The following MYO9A variants were observed in gnomAD, a reference collection of about 807,000 sequenced individuals.
The protein encoded by MYO9A is unconventional myosin-IXa.
Under a neutral mutation model 293.3 loss-of-function variants are expected in MYO9A, and 103 were observed. That is an observed-to-expected ratio of 0.35 (90% CI 0.30 to 0.41). MYO9A has a LOEUF of 0.41. MYO9A is among the 10% of genes least tolerant of loss of function. MYO9A has a pLI of 1.00. For synonymous variants in MYO9A, 1,001 were observed against 1,035.7 expected (o/e 0.97, Z 0.64); for missense variants, 2,685 against 3,033.0 (o/e 0.89, Z 2.69).
rs750292528 is a variant in MYO9A at position 72,007,962 on chromosome 15, T to TA, written c.1254-11dup. 4 of 1,605,460 alleles carry TA rather than the reference T, an allele frequency of 2.5e-6. No homozygotes were observed. In the African/African-American group the frequency reaches 5.4e-5, roughly 22 times the overall value. ...GAGAAGAGAGAAAATCCTGGGAAAA[T>TA]AAAACACAAATTATAGCTTAGTTGT... On this transcript the variant is annotated splice_polypyrimidine_tract_variant and intron_variant, in intron 7 of 41. Transcript: ENST00000356056.
chr15:71,899,064 A>T, intron 24 of MYO9A, 32 bp from the exon 25 acceptor site: 1 of 1,492,300 alleles, frequency 6.7e-7, no homozygotes, highest in Non-Finnish European at 9.0e-7. Flanking sequence ...GGGTTATAGA[A>T]ATATCTTAGT....
intron 10 of MYO9A, among the ~76,000 whole-genome samples, chr15:71,992,819 T>A (rs2076578727): frequency 6.6e-6 from 1 of 151,484 alleles, no homozygotes; most frequent in East Asian, 1.9e-4. Context: ...TATAAAAATA[T>A]AAGAATAAAT....
At chr15:71,910,168 G>GTGTGTATATATATATATATATATA in intron 19 of MYO9A, among the ~76,000 whole-genome samples, 1 of 128,316 alleles carries the variant, frequency 7.8e-6, no homozygotes, top group East Asian at 2.3e-4. Flanking sequence ...ATATATACGT[G>GTGTGTATATATATATATATATATA]TATATATATA....
Position 71,879,730 on chromosome 15 carries a change from A to G in MYO9A, c.5730T>C (p.Ser1910=). ...ACATAGTCCAACTCACCGCCAATGC[A>G]GATGAATAAAAGCTGAAGATATTCT... The part of the protein sequence containing the change: ...FRQNIFSFYS[S]ALAMDDGKSI... The change falls in exon 30 of 42, where the codon TCT becomes TCC. Residue 1910 remains serine, a synonymous_variant. Transcript: ENST00000356056. 1 of 1,609,358 alleles carries G rather than the reference A, an allele frequency of 6.2e-7. No homozygotes were observed. Among genetic ancestry groups the G allele is most frequent in the Non-Finnish European group, 8.5e-7 (1 of 1,175,888 alleles).
At chr15:72,049,971 C>T (rs1188055593) in intron 1 of MYO9A, among the ~76,000 whole-genome samples, 1 of 152,132 alleles carries the variant, frequency 6.6e-6, no homozygotes, top group Non-Finnish European at 1.5e-5. Context: ...AACAGGAGTC[C>T]TATCTTGGAC....
rs768275018 is a variant in MYO9A, at chr15:72,118,051, C to T, written c.-443G>A. 11 of 396,146 alleles carry T rather than the reference C, an allele frequency of 2.8e-5. No homozygotes were observed. The highest frequency in any genetic ancestry group is 4.9e-5 in the Non-Finnish European group (11 of 224,480). The allele number at this position is 396,146 out of a possible 1,614,324, so 24.5% of individuals were successfully genotyped here. On this transcript the variant is annotated 5_prime_UTR_variant, in exon 1 of 42. Coordinates refer to ENST00000356056, the MANE Select transcript of MYO9A (RefSeq NM_006901.4). ...CTCTCTCAACAGACACAGCCAACCG[C>T]CGCCGCGTCCCTTATCCGCTTCGGT... is the stretch of plus-strand genomic sequence containing the variant.
At chr15:72,010,945 C>G (rs1455022427) in intron 6 of MYO9A, among the ~76,000 whole-genome samples, 1 of 151,650 alleles carries the variant, frequency 6.6e-6, no homozygotes, top group Non-Finnish European at 1.5e-5. Context: ...AGAGTGAACC[C>G]CAGATTTACG....
intron 2 of MYO9A, among the ~76,000 whole-genome samples, chr15:72,034,575 G>A (rs1454195582): frequency 1.3e-5 from 2 of 152,108 alleles, no homozygotes; most frequent in Non-Finnish European, 2.9e-5. Flanking sequence ...AGTCCTGAAT[G>A]CCTAGAACAG....
At chr15:71,916,263 C>T in intron 19 of MYO9A, 107 bp downstream of exon 19, 3 of 1,297,956 alleles carry the variant, frequency 2.3e-6, no homozygotes, top group Non-Finnish European at 2.1e-6. Context: ...GCTTTTTAGT[C>T]ACATAAATTA....
chr15:71,885,786 G>A (rs1007463453), intron 27 of MYO9A, among the ~76,000 whole-genome samples: 7 of 151,812 alleles, frequency 4.6e-5, no homozygotes, highest in Non-Finnish European at 7.4e-5. Context: ...CCGTTTTCTC[G>A]GTTCTATCTT....
chr15:71,837,811 C>T (rs984703675), intron 39 of MYO9A, among the ~76,000 whole-genome samples: 2 of 152,048 alleles, frequency 1.3e-5, no homozygotes, highest in Admixed American at 6.5e-5. Context: ...GTGTTAAAAA[C>T]AGTACATAAG....
intron 34 of MYO9A, among the ~76,000 whole-genome samples, chr15:71,854,818 C>G (rs1190161376): frequency 1.3e-5 from 2 of 152,134 alleles, no homozygotes; most frequent in African/African-American, 2.4e-5. Flanking sequence ...GCTACAGCTT[C>G]TCCTATCAAA....
At chr15:72,026,117 C>T (rs1441094549) in intron 4 of MYO9A, among the ~76,000 whole-genome samples, 4 of 150,924 alleles carry the variant, frequency 2.7e-5, no homozygotes. Context: ...ACTAAAAATA[C>T]AAAAAATTAG....
rs2141280613 is a variant in MYO9A, at chr15:71,850,071, T to C, written c.6678A>G (p.Pro2226=). The C allele has an allele frequency of 6.2e-7, 1 of 1,614,032 alleles. No individual in the cohort carries two copies. Among genetic ancestry groups the C allele is most frequent in the South Asian group, 1.1e-5 (1 of 91,086 alleles). The part of the protein sequence containing the change: ...CILRCPDTTD[P]LQSVQDISKT... Reference sequence around the variant, plus strand: ...TACTGATGTCCTGTACACTTTGTAGTGGGTCAGTGGTGTCAGGGCAGCGGA... The same window carrying C: ...TACTGATGTCCTGTACACTTTGTAGCGGGTCAGTGGTGTCAGGGCAGCGGA... The change falls in exon 38 of 42, where the codon CCA becomes CCG. Residue 2226 remains proline (P), a synonymous_variant. Transcript: ENST00000356056.
chr15:71,908,804 T>C (rs533910823), intron 19 of MYO9A, among the ~76,000 whole-genome samples: 2 of 152,360 alleles, frequency 1.3e-5, no homozygotes, highest in Non-Finnish European at 2.9e-5. Context: ...GTTCACTCTT[T>C]ATGTTGCACA....
chr15:71,823,555 G>A lies in MYO9A; in HGVS notation c.*3025C>T, dbSNP rs948481150. 3.9e-5 allele frequency: 6 copies of A among 152,310 alleles called. No homozygotes were observed. The highest frequency in any genetic ancestry group is 1.3e-4 in the Admixed American group (2 of 15,294). 9.4% of individuals were successfully genotyped at this position (152,310 alleles called of 1,614,324 possible). On this transcript the variant is annotated 3_prime_UTR_variant, in exon 42 of 42. Coordinates refer to ENST00000356056, the MANE Select transcript of MYO9A (RefSeq NM_006901.4). ...GGCAAAATAATTTAAATGGCAGGAG[G>A]TACAAAGTACGTTGTAAACTAAGCC...
At chr15:71,962,318 C>G (rs2075766551) in intron 13 of MYO9A, among the ~76,000 whole-genome samples, 1 of 152,076 alleles carries the variant, frequency 6.6e-6, no homozygotes. Flanking sequence ...AGAAACATAC[C>G]TAGTATCATG....
intron 19 of MYO9A, among the ~76,000 whole-genome samples, chr15:71,907,697 A>G (rs2144160626): frequency 6.6e-6 from 1 of 151,460 alleles, no homozygotes; most frequent in East Asian, 1.9e-4. Context: ...ATGGCCAGTG[A>G]TGGTGAGCAT....
intron 26 of MYO9A, chr15:71,891,458 A>C (rs2142995826): frequency 6.6e-6 from 1 of 152,328 alleles, no homozygotes. Flanking sequence ...GCAAACAATA[A>C]ATCTATGTAT....
Sources: allele counts gnomAD v4.1 joint callset (sites outside exome capture counted in the v4.1 genomes callset), GRCh38; gene constraint gnomAD v4.1.1; transcripts MANE v1.5; gene names NCBI Gene and HGNC (gene_info 2026-07-23, HGNC 2026-07-21).